Variants in CRADD observed in about 807,000 individuals in gnomAD.
The protein encoded by CRADD is CARD and death domain containing adaptor protein.
Under a neutral mutation model 15.5 loss-of-function variants are expected in CRADD, and 9 were observed. That is an observed-to-expected ratio of 0.58 (90% CI 0.35 to 1.01). CRADD has a LOEUF of 1.01. CRADD is among the 50% of genes least tolerant of loss of function. CRADD has a pLI of 0.02. For synonymous variants in CRADD, 118 were observed against 107.6 expected (o/e 1.10, Z -0.60); for missense variants, 227 against 250.3 (o/e 0.91, Z 0.63).
At chr12:93,879,775 A>G (rs1337452585) in intron 2 of CRADD, among the ~76,000 whole-genome samples, 1 of 152,186 alleles carries the variant, frequency 6.6e-6, no homozygotes, top group Non-Finnish European at 1.5e-5. Flanking sequence ...CTTTACTCAG[A>G]GAGCCTGGGA....
At chr12:93,740,652 T>A (rs1406660933) in intron 2 of CRADD, among the ~76,000 whole-genome samples, 2 of 152,150 alleles carry the variant, frequency 1.3e-5, no homozygotes, top group Non-Finnish European at 2.9e-5. Flanking sequence ...AATATACGAG[T>A]CACACTTGAT....
rs956148618 is a variant in CRADD at position 93,888,318 on chromosome 12, G to A, written c.299-5732G>A. ...TGGGCGCTTGTAGTCTTAGCTACTC[G>A]GGAGGCTGAGGTGGGAGAATGGCAT... is the stretch of plus-strand genomic sequence containing the variant. On this transcript the variant is annotated intron_variant, in intron 2 of 2. Transcript: ENST00000548483. Among the ~76,000 whole-genome samples the A allele has an allele frequency of 4.0e-5, 6 of 151,822 alleles. No individual in the cohort carries two copies. The East Asian group carries it at 5.8e-4, about 15-fold the overall frequency.
chr12:93,751,312 G>A (rs1404465182), intron 2 of CRADD, among the ~76,000 whole-genome samples: 3 of 152,188 alleles, frequency 2.0e-5, no homozygotes, highest in Non-Finnish European at 4.4e-5. Flanking sequence ...ACCAGCTGAT[G>A]CCCTGTTGAG....
intron 2 of CRADD, among the ~76,000 whole-genome samples, chr12:93,870,274 T>G (rs1262514947): frequency 6.6e-6 from 1 of 152,188 alleles, no homozygotes; most frequent in Non-Finnish European, 1.5e-5. Context: ...CAAGAAAATC[T>G]GCTAAATATT....
At chr12:93,822,645 T>G (rs1266250429) in intron 2 of CRADD, among the ~76,000 whole-genome samples, 1 of 152,248 alleles carries the variant, frequency 6.6e-6, no homozygotes, top group South Asian at 2.1e-4. Context: ...CAGTGTTACA[T>G]GCAGTCACCT....
intron 2 of CRADD, among the ~76,000 whole-genome samples, chr12:93,741,562 T>G (rs1320391905): frequency 6.6e-6 from 1 of 152,210 alleles, no homozygotes; most frequent in Non-Finnish European, 1.5e-5. Flanking sequence ...TCTTTAAATA[T>G]GAAAGTTAAC....
chr12:93,847,516 A>AAC (rs1555228928), intron 2 of CRADD, among the ~76,000 whole-genome samples: 11 of 140,544 alleles, frequency 7.8e-5, no homozygotes, highest in African/African-American at 2.7e-4. Flanking sequence ...AAAAAAAAAA[A>AAC]AAAAACCTCC....
chr12:93,796,933 A>G (rs1592998288), intron 2 of CRADD, among the ~76,000 whole-genome samples: 1 of 151,824 alleles, frequency 6.6e-6, no homozygotes. Context: ...TCCTGGTACC[A>G]CCTCTGCTGC....
chr12:93,725,583 T>A (rs939208519), intron 2 of CRADD, among the ~76,000 whole-genome samples: 1 of 151,752 alleles, frequency 6.6e-6, no homozygotes. Context: ...TGTAAGAGCA[T>A]GAAAATAAAA....
chr12:93,717,239 A>T (rs1956177893), intron 2 of CRADD, among the ~76,000 whole-genome samples: 1 of 152,106 alleles, frequency 6.6e-6, no homozygotes, highest in South Asian at 2.1e-4. Context: ...TTTCTTGTTG[A>T]ATTTTAAGAG....
At chr12:93,800,921 G>A (rs570422027) in intron 2 of CRADD, among the ~76,000 whole-genome samples, 1 of 151,982 alleles carries the variant, frequency 6.6e-6, no homozygotes, top group Non-Finnish European at 1.5e-5. Flanking sequence ...CTATTAAAGT[G>A]GCTGAATCAT....
At chr12:93,834,154 G>A (rs917016467) in intron 2 of CRADD, among the ~76,000 whole-genome samples, 3 of 152,220 alleles carry the variant, frequency 2.0e-5, no homozygotes, top group African/African-American at 7.2e-5. Flanking sequence ...GCAGTGCAGG[G>A]AGTATGAGCA....
At position 93,850,001 on chromosome 12, in the gene CRADD, C is replaced by A. The variant is rs769204820; in HGVS notation, c.330C>A (p.Ile110=). ...GDRLTGIPSH[I]LNSSPSDRQI... ...GATTGACTGGGATCCCCTCGCACAT[C>A]CTCAACAGCTCCCCATCAGACCGGC... The change falls in exon 3 of 3, where the codon ATC becomes ATA. Residue 110 remains isoleucine (I), a synonymous_variant. Coordinates refer to ENST00000332896, the MANE Select transcript of CRADD (RefSeq NM_003805.5). The surrounding 1 kb of genome is among the most constrained non-coding windows in gnomAD (Gnocchi z 4.0). The A allele has an allele frequency of 4.3e-6, 7 of 1,610,614 alleles. No homozygotes were observed. In the African/African-American group the frequency reaches 8.0e-5, roughly 18 times the overall value.
chr12:93,692,777 C>T lies in CRADD; in HGVS notation c.298+13705C>T, dbSNP rs113572569. 6.4e-3 allele frequency among the ~76,000 whole-genome samples: 980 copies of T among 152,106 alleles called. 4 individuals are homozygous for T. The highest frequency in any genetic ancestry group is 0.034 in the Middle Eastern group (10 of 294). On this transcript the variant is annotated intron_variant, in intron 2 of 2. Transcript: ENST00000332896. ...AGGTTAATAATAACATGGAAACGTA[C>T]GAAAGTATAAAACTTACATAGTCAA...
intron 2 of CRADD, among the ~76,000 whole-genome samples, chr12:93,710,396 A>AGTG (rs1304722339): frequency 7.5e-6 from 1 of 133,072 alleles, no homozygotes; most frequent in African/African-American, 2.9e-5. Flanking sequence ...CCCAGGCTGG[A>AGTG]GTGCAGTGGC....
chr12:93,823,803 T>C (rs1047382472), intron 2 of CRADD, among the ~76,000 whole-genome samples: 2 of 152,072 alleles, frequency 1.3e-5, no homozygotes, highest in African/African-American at 4.8e-5. Flanking sequence ...TGAGTAATAG[T>C]CAGAAGAGAA....
In CRADD at chr12:93,739,705, C is replaced by A. The variant is rs569995198; in HGVS notation, c.298+60633C>A. Among the ~76,000 whole-genome samples the A allele has an allele frequency of 2.0e-5, 3 of 152,170 alleles. No individual in the cohort carries two copies. In the East Asian group the frequency reaches 5.8e-4, roughly 29 times the overall value. On this transcript the variant is annotated intron_variant, in intron 2 of 2. Coordinates refer to ENST00000332896, the MANE Select transcript of CRADD (RefSeq NM_003805.5). ...AGGGAAAGATCTTGGACATAGTCTTCTGTTTTTAAAATAGTCATTCTCATT... is the reference window on the plus strand; with the variant it reads ...AGGGAAAGATCTTGGACATAGTCTTATGTTTTTAAAATAGTCATTCTCATT...
chr12:93,816,850 T>C (rs547115274), intron 2 of CRADD, among the ~76,000 whole-genome samples: 2 of 152,290 alleles, frequency 1.3e-5, no homozygotes, highest in South Asian at 4.1e-4. Context: ...ACTAGAGTCA[T>C]AGGCTTAAAA....
At chr12:93,731,765 GAATT>G (rs1339744120) in intron 2 of CRADD, among the ~76,000 whole-genome samples, 1 of 152,186 alleles carries the variant, frequency 6.6e-6, no homozygotes, top group Non-Finnish European at 1.5e-5. Context: ...GTTTAGAAAA[GAATT>G]ATTTCTGATA....
Sources: gnomAD v4.1 joint callset for allele counts (sites outside exome capture counted in the v4.1 genomes callset) on GRCh38, gnomAD v4.1.1 for gene constraint, Gnocchi (gnomAD v3.1) non-coding constraint, MANE v1.5 for transcripts, NCBI Gene and HGNC (gene_info 2026-07-23, HGNC 2026-07-21) for gene names.